Variants in ERAP1 observed in about 807,000 individuals in gnomAD.
ERAP1 encodes the protein adipocyte-derived leucine aminopeptidase.
ERAP1 carries 86 observed loss-of-function variants against 103.7 expected under a neutral mutation model. That is an observed-to-expected ratio of 0.83 (90% CI 0.70 to 0.99). The LOEUF is 0.99. Among genes scored for constraint, ERAP1 ranks in the 50% least tolerant of loss-of-function variants. ERAP1 has a pLI of 0.00. For synonymous variants in ERAP1, 398 were observed against 402.4 expected, an observed-to-expected ratio of 0.99 and a Z score of 0.13; for missense variants, 1,009 against 1,128.4, an observed-to-expected ratio of 0.89 and a Z score of 1.52.
At chr5:96,801,622 G>C (rs1441337693) in intron 2 of ERAP1, among the ~76,000 whole-genome samples, 1 of 151,680 alleles carries the variant, frequency 6.6e-6, no homozygotes, top group East Asian at 1.9e-4. Flanking sequence ...GAGAGGCCTA[G>C]GCGGGCGGAT....
At chr5:96,879,795 A>G in the ERAP1 span, 2 of 1,614,194 alleles carry the variant, frequency 1.2e-6, no homozygotes, top group Non-Finnish European at 1.7e-6. Context: ...ATTTGTTCTC[A>G]GTTCTCAGTG....
intron 4 of ERAP1, among the ~76,000 whole-genome samples, chr5:96,795,465 G>C (rs756926500): frequency 1.3e-5 from 2 of 152,172 alleles, no homozygotes; most frequent in African/African-American, 2.4e-5. Context: ...CTGATGTCAG[G>C]AGAGCACTGC....
the ERAP1 span, among the ~76,000 whole-genome samples, chr5:96,897,516 G>A: frequency 1.4e-5 from 2 of 146,344 alleles, no homozygotes. Flanking sequence ...TAATGATAAT[G>A]TGCTTAAGAA....
chr5:96,838,585 T>G, the ERAP1 span, among the ~76,000 whole-genome samples: 2 of 151,228 alleles, frequency 1.3e-5, no homozygotes, highest in Non-Finnish European at 2.9e-5. Flanking sequence ...CTTCCTTCCA[T>G]ATATTTCCTC....
chr5:96,904,409 G>A, the ERAP1 span, among the ~76,000 whole-genome samples: 1 of 152,204 alleles, frequency 6.6e-6, no homozygotes, highest in Admixed American at 6.5e-5. Context: ...GCTTATTTAG[G>A]TCAAATTGAG....
chr5:96,780,593 G>A (rs1356803666), intron 17 of ERAP1, 89 bp from the exon 18 acceptor site: 2 of 1,002,606 alleles, frequency 2.0e-6, no homozygotes, highest in Non-Finnish European at 1.6e-6. Context: ...ATAGCTTTCA[G>A]CTAAAAACTG....
the ERAP1 span, among the ~76,000 whole-genome samples, chr5:96,817,932 T>G: frequency 3.3e-5 from 5 of 152,158 alleles, no homozygotes; most frequent in Non-Finnish European, 7.3e-5. Flanking sequence ...GACTCTGCAG[T>G]GGTGTGAGAA....
the ERAP1 span, chr5:96,917,451 A>C: frequency 3.1e-6 from 5 of 1,607,290 alleles, no homozygotes; most frequent in South Asian, 1.1e-5. Flanking sequence ...TTTTTCTTCA[A>C]TATTTTACAG....
chr5:96,855,255 G>A, the ERAP1 span, among the ~76,000 whole-genome samples: 11 of 152,074 alleles, frequency 7.2e-5, no homozygotes, highest in Admixed American at 3.9e-4. Context: ...TTATTATAAT[G>A]ACAACAAATG....
At chr5:96,935,754 G>A in the ERAP1 span, 3 of 203,836 alleles carry the variant, frequency 1.5e-5, no homozygotes, top group Admixed American at 5.9e-5. Flanking sequence ...GCGCAGTGCG[G>A]GTGTCTCGGC....
At chr5:96,772,231 T>G (rs932722232), downstream of ERAP1, 10 of 153,682 alleles carry the variant, frequency 6.5e-5, no homozygotes, top group African/African-American at 2.2e-4. Context: ...TGATTCTAAT[T>G]TATAATTGCT....
At chr5:96,874,206 GAA>G in the ERAP1 span, among the ~76,000 whole-genome samples, 6 of 151,592 alleles carry the variant, frequency 4.0e-5, no homozygotes, top group African/African-American at 1.5e-4. Context: ...AGAAAGAAAA[GAA>G]AAGTTAGGAG....
chr5:96,815,957 G>A, the ERAP1 span, among the ~76,000 whole-genome samples: 1 of 152,150 alleles, frequency 6.6e-6, no homozygotes, highest in African/African-American at 2.4e-5. Context: ...TCGAGATATA[G>A]CCTAAACTTC....
the ERAP1 span, among the ~76,000 whole-genome samples, chr5:96,878,688 G>A: frequency 6.6e-6 from 1 of 152,132 alleles, no homozygotes; most frequent in Non-Finnish European, 1.5e-5. Context: ...AGCACTTTGG[G>A]AGGCTGAGGC....
the ERAP1 span, chr5:96,918,761 G>C: frequency 6.6e-6 from 1 of 152,218 alleles, no homozygotes; most frequent in East Asian, 1.9e-4. Flanking sequence ...TAAATCTTTT[G>C]AAATTTGCAG....
the ERAP1 span, among the ~76,000 whole-genome samples, chr5:96,827,659 A>G: frequency 1.4e-5 from 2 of 141,528 alleles, no homozygotes; most frequent in Non-Finnish European, 3.0e-5. Flanking sequence ...AGTGAGACTC[A>G]TCTCAAAATA....
chr5:96,799,964 C>T (rs368146877), intron 3 of ERAP1, among the ~76,000 whole-genome samples: 12 of 152,296 alleles, frequency 7.9e-5, no homozygotes, highest in Middle Eastern at 3.4e-3. Context: ...AGAAGCACCA[C>T]ACTAGAGGTT....
chr5:96,886,432 G>A, the ERAP1 span, among the ~76,000 whole-genome samples: 1 of 152,230 alleles, frequency 6.6e-6, no homozygotes, highest in Non-Finnish European at 1.5e-5. Context: ...GTGCTTTGGG[G>A]ATCTCAAAAG....
the ERAP1 span, among the ~76,000 whole-genome samples, chr5:96,834,391 C>A: frequency 1.3e-5 from 2 of 152,120 alleles, no homozygotes; most frequent in Admixed American, 6.6e-5. Flanking sequence ...AGAATAATAA[C>A]CCCGACCATA....
Sources: gnomAD v4.1 joint callset for allele counts (sites outside exome capture counted in the v4.1 genomes callset) on GRCh38, gnomAD v4.1.1 for gene constraint, MANE v1.5 for transcripts, NCBI Gene and HGNC (gene_info 2026-07-23, HGNC 2026-07-21) for gene names.